FAF1: variants seen among roughly 807,000 people sequenced by gnomAD.
FAF1 encodes the protein FAS-associated factor 1.
Under a neutral mutation model 92.5 loss-of-function variants are expected in FAF1, and 25 were observed. The observed-to-expected ratio is 0.27, with a 90% CI of 0.20 to 0.38. The LOEUF (loss-of-function observed/expected upper bound fraction) is 0.38. FAF1 is among the 10% of genes least tolerant of loss of function. The pLI is 1.00. For missense variants in FAF1, 636 were observed against 793.3 expected, an observed-to-expected ratio of 0.80 and a Z score of 2.38; for synonymous variants, 234 against 273.2, an observed-to-expected ratio of 0.86 and a Z score of 1.42.
intron 4 of FAF1, among the ~76,000 whole-genome samples, chr1:50,749,566 G>T (rs1246903386): frequency 6.6e-6 from 1 of 152,174 alleles, no homozygotes; most frequent in Non-Finnish European, 1.5e-5. Context: ...TAGAAGGACA[G>T]CTTGAGCTCA....
At chr1:50,588,662 G>A (rs1036830335) in intron 9 of FAF1, among the ~76,000 whole-genome samples, 1 of 152,186 alleles carries the variant, frequency 6.6e-6, no homozygotes, top group African/African-American at 2.4e-5. Flanking sequence ...AGACAGTTAA[G>A]AGTCTGTGAC....
At chr1:50,766,730 T>C (rs192931624) in intron 4 of FAF1, among the ~76,000 whole-genome samples, 1 of 131,308 alleles carries the variant, frequency 7.6e-6, no homozygotes, top group African/African-American at 2.9e-5. Context: ...ACTCACCTTA[T>C]ACCACAATCA....
At chr1:50,816,134 G>C (rs1643970886) in intron 2 of FAF1, among the ~76,000 whole-genome samples, 1 of 145,534 alleles carries the variant, frequency 6.9e-6, no homozygotes. Context: ...TTTTCATGTT[G>C]TTGGCCATTA....
intron 1 of FAF1, among the ~76,000 whole-genome samples, chr1:50,911,471 G>A (rs1035688499): frequency 2.0e-5 from 3 of 151,128 alleles, no homozygotes; most frequent in South Asian, 2.1e-4. Flanking sequence ...CAAGGCAGGC[G>A]GATCACTTGA....
chr1:50,487,442 A>G (rs939664856), intron 17 of FAF1, among the ~76,000 whole-genome samples: 1 of 151,878 alleles, frequency 6.6e-6, no homozygotes, highest in African/African-American at 2.4e-5. Context: ...TTCTATATCT[A>G]CTCTTTCTTA....
chr1:50,713,316 C>A (rs1658025987), intron 6 of FAF1, among the ~76,000 whole-genome samples: 1 of 151,958 alleles, frequency 6.6e-6, no homozygotes. Context: ...CTCTGTCACC[C>A]AGGCTGGAGT....
At chr1:50,444,828 A>G (rs553865499) in intron 18 of FAF1, among the ~76,000 whole-genome samples, 8 of 150,704 alleles carry the variant, frequency 5.3e-5, no homozygotes, top group Non-Finnish European at 1.0e-4. Context: ...CAGACAGAAT[A>G]AGGTTTCATA....
intron 4 of FAF1, among the ~76,000 whole-genome samples, chr1:50,764,939 T>C (rs1660509481): frequency 6.6e-6 from 1 of 152,188 alleles, no homozygotes; most frequent in African/African-American, 2.4e-5. Context: ...GAAACTAGGG[T>C]GGTTCACATT....
At chr1:50,517,432 TTAAAAA>T (rs1350762911) in intron 15 of FAF1, among the ~76,000 whole-genome samples, 2 of 152,124 alleles carry the variant, frequency 1.3e-5, no homozygotes, top group African/African-American at 4.8e-5. Flanking sequence ...TAAGCCTAGA[TTAAAAA>T]TAACAGCAAT....
At chr1:50,495,250 C>G (rs956558043) in intron 15 of FAF1, among the ~76,000 whole-genome samples, 1 of 152,166 alleles carries the variant, frequency 6.6e-6, no homozygotes, top group Non-Finnish European at 1.5e-5. Flanking sequence ...TCCACCTTCC[C>G]CCACACCCCA....
chr1:50,506,342 C>T (rs1328579179), intron 15 of FAF1, among the ~76,000 whole-genome samples: 1 of 152,164 alleles, frequency 6.6e-6, no homozygotes, highest in Non-Finnish European at 1.5e-5. Flanking sequence ...ACATACTCTA[C>T]GCTTGACCCA....
chr1:50,441,378 C>A lies in FAF1; in HGVS notation c.*62G>T. On this transcript the variant is annotated 3_prime_UTR_variant, in exon 19 of 19. Coordinates refer to ENST00000396153, the MANE Select transcript of FAF1 (RefSeq NM_007051.3). ...GCGTGTGGGTGGGTTGGCGAGGAGCCCTTCTCCTGACGCAGGCTGCTGGCT... is the reference window on the plus strand; with the variant it reads ...GCGTGTGGGTGGGTTGGCGAGGAGCACTTCTCCTGACGCAGGCTGCTGGCT... 9.4e-7 allele frequency: 1 copy of A among 1,061,862 alleles called. No individual in the cohort carries two copies. The allele number at this position is 1,061,862 out of a possible 1,614,324, so 65.8% of individuals were successfully genotyped here. A position where few individuals can be genotyped will look rare whatever the true frequency, so the allele number is the denominator to read the frequency against.
chr1:50,854,824 C>T (rs758396012), intron 2 of FAF1, among the ~76,000 whole-genome samples: 10 of 151,768 alleles, frequency 6.6e-5, no homozygotes, highest in Non-Finnish European at 1.2e-4. Context: ...TTACTTTGAG[C>T]ATCCCTAATC....
chr1:50,951,706 G>A (rs1428386639), intron 1 of FAF1, among the ~76,000 whole-genome samples: 1 of 152,186 alleles, frequency 6.6e-6, no homozygotes, highest in African/African-American at 2.4e-5. Flanking sequence ...AGAGGACAGA[G>A]GAGAAAGGAA....
chr1:50,727,465 C>A (rs1017748208), intron 6 of FAF1, among the ~76,000 whole-genome samples: 11 of 152,168 alleles, frequency 7.2e-5, no homozygotes, highest in Admixed American at 6.5e-5. Flanking sequence ...TTACAATATT[C>A]GTTCCACAAA....
intron 1 of FAF1, among the ~76,000 whole-genome samples, chr1:50,923,859 T>C (rs1644984391): frequency 6.6e-6 from 1 of 152,172 alleles, no homozygotes; most frequent in African/African-American, 2.4e-5. Flanking sequence ...TGAAACAGCA[T>C]TCAATAAAAT....
At chr1:50,605,401 C>T (rs981536481) in intron 8 of FAF1, among the ~76,000 whole-genome samples, 2 of 152,188 alleles carry the variant, frequency 1.3e-5, no homozygotes, top group South Asian at 2.1e-4. Flanking sequence ...CAGCCTAACA[C>T]TGTCTAATGG....
intron 7 of FAF1, among the ~76,000 whole-genome samples, chr1:50,688,737 G>A (rs898685066): frequency 3.3e-5 from 5 of 152,116 alleles, no homozygotes; most frequent in East Asian, 1.9e-4. Context: ...ACTTGAACCC[G>A]GGAGGCGGAG....
intron 7 of FAF1, among the ~76,000 whole-genome samples, chr1:50,661,287 G>T (rs1007484112): frequency 6.6e-6 from 1 of 152,088 alleles, no homozygotes; most frequent in African/African-American, 2.4e-5. Flanking sequence ...GTGGTTATAT[G>T]ATTTTGCCAG....
Sources: gnomAD v4.1 joint callset for allele counts (sites outside exome capture counted in the v4.1 genomes callset) on GRCh38, gnomAD v4.1.1 for gene constraint, MANE v1.5 for transcripts, NCBI Gene and HGNC (gene_info 2026-07-23, HGNC 2026-07-21) for gene names.